Variants in COBL observed in about 807,000 individuals in gnomAD.
COBL encodes protein cordon-bleu.
A neutral mutation model predicts 98.8 loss-of-function variants in COBL; 51 were observed. The ratio of observed to expected loss-of-function variants is 0.52; its 90% CI spans 0.41 to 0.65. COBL has a LOEUF of 0.65. Ranked by LOEUF, COBL falls within the 30% of genes least tolerant of loss-of-function variation. The probability of loss-of-function intolerance (pLI) is 0.00; values close to 1 mark genes in which losing one functional copy is unlikely to be tolerated. For missense variants in COBL, 1,617 were observed against 1,617.5 expected, an observed-to-expected ratio of 1.00 and a Z score of 0.01; for synonymous variants, 634 against 651.7, an observed-to-expected ratio of 0.97 and a Z score of 0.41.
intron 5 of COBL, among the ~76,000 whole-genome samples, chr7:51,159,122 C>A (rs1309283197): frequency 6.6e-6 from 1 of 152,154 alleles, no homozygotes; most frequent in Non-Finnish European, 1.5e-5. Flanking sequence ...AGGCTCTCTG[C>A]AGCCCCCGGC....
chr7:51,190,834 C>T lies in COBL; in HGVS notation c.685+16G>A, dbSNP rs369759090. ...TGTGATTATGGGCAGGTGCGTGAGA[C>T]GCAGCGGGGCCTCACCTCTTCTGTT... On this transcript the variant is annotated intron_variant, in intron 4 of 12. Coordinates refer to ENST00000265136, the MANE Select transcript of COBL (RefSeq NM_015198.5). The T allele has an allele frequency of 3.0e-5, 49 of 1,607,874 alleles. No homozygotes were observed. Among genetic ancestry groups the T allele is most frequent in the Middle Eastern group, 1.6e-4 (1 of 6,068 alleles).
At chr7:51,064,116 C>A (rs1791658901) in intron 7 of COBL, among the ~76,000 whole-genome samples, 1 of 152,200 alleles carries the variant, frequency 6.6e-6, no homozygotes, top group East Asian at 1.9e-4. Context: ...ACACAGTAAT[C>A]CTGTTCTCCC....
At position 51,016,482 on chromosome 7, in the gene COBL, G is replaced by GAT. The variant is rs1175153781; in HGVS notation, c.*1067_*1068dup. ...TTTCAATATAACAAAATGTTTTAGA[G>GAT]ATATATATGAAAAACTACTGCTGTA... On this transcript the variant is annotated 3_prime_UTR_variant, in exon 13 of 13. Coordinates refer to ENST00000265136, the MANE Select transcript of COBL (RefSeq NM_015198.5). 6.5e-6 allele frequency: 1 copy of GAT among 154,062 alleles called. No homozygotes were observed. Among genetic ancestry groups the GAT allele is most frequent in the Non-Finnish European group, 1.4e-5 (1 of 69,436 alleles). The allele number at this position is 154,062 out of a possible 1,614,324, so 9.5% of individuals were successfully genotyped here. A position where few individuals can be genotyped will look rare whatever the true frequency, so the allele number is the denominator to read the frequency against.
In COBL at chr7:51,060,158, ACCAGC is replaced by A. The variant is rs545250648; in HGVS notation, c.1097-16471_1097-16467del. On this transcript the variant is annotated intron_variant, in intron 7 of 12. Coordinates refer to ENST00000265136, the MANE Select transcript of COBL (RefSeq NM_015198.5). ...TCCACAGGTCTCTGAGCACATGAAC[ACCAGC>A]CCAGATCTCACAATGAAAGGTCTTA... Among the ~76,000 whole-genome samples, 568 of 152,250 alleles carry A rather than the reference ACCAGC, an allele frequency of 3.7e-3. 1 individual carries two copies. The highest frequency in any genetic ancestry group is 0.013 in the African/African-American group (548 of 41,554).
At position 51,107,084 on chromosome 7, in the gene COBL, GTTTGTTTGT is replaced by G. The variant is rs1356069558; in HGVS notation, c.958-21789_958-21781del. 2.0e-3 allele frequency among the ~76,000 whole-genome samples: 218 copies of G among 109,306 alleles called. 3 individuals carry two copies. The highest frequency in any genetic ancestry group is 6.9e-3 in the African/African-American group (203 of 29,344). The allele number at this position is 109,306 out of a possible 152,430, so 71.7% of individuals were successfully genotyped here. ...ACTTAACACTTTTTTTGTGATCCTA[GTTTGTTTGT>G]TTTTTTTTTTTTTTTTTTTGAGACA... On this transcript the variant is annotated intron_variant, in intron 6 of 12. Transcript: ENST00000265136.
intron 1 of COBL, among the ~76,000 whole-genome samples, chr7:51,220,854 G>A (rs922722949): frequency 1.3e-5 from 2 of 152,124 alleles, no homozygotes; most frequent in African/African-American, 4.8e-5. Context: ...GTTTCCGCCA[G>A]ATTAGCCAGG....
At chr7:51,104,013 A>T (rs1796038596) in intron 6 of COBL, among the ~76,000 whole-genome samples, 1 of 152,254 alleles carries the variant, frequency 6.6e-6, no homozygotes, top group African/African-American at 2.4e-5. Flanking sequence ...CAATAAGCCC[A>T]AAGTTTCCTG....
chr7:51,216,463 A>G (rs1206362291), intron 2 of COBL, among the ~76,000 whole-genome samples: 1 of 152,154 alleles, frequency 6.6e-6, no homozygotes, highest in East Asian at 1.9e-4. Flanking sequence ...GAGCCACTGC[A>G]CCTGACCAAA....
Position 51,026,538 on chromosome 7 carries a change from C to A in COBL, c.3504+8G>T. The A allele has an allele frequency of 1.9e-6, 3 of 1,613,748 alleles. No individual in the cohort carries two copies. The highest frequency in any genetic ancestry group is 2.5e-6 in the Non-Finnish European group (3 of 1,179,906). On this transcript the variant is annotated splice_region_variant and intron_variant, in intron 11 of 12. Coordinates refer to ENST00000265136, the MANE Select transcript of COBL (RefSeq NM_015198.5). Reference sequence around the variant, plus strand: ...TCCTGGCGCCATGGAAGGCCCTTCACCTCTTACCTTCCTCAGGCTGCAGGT... The same window carrying A: ...TCCTGGCGCCATGGAAGGCCCTTCAACTCTTACCTTCCTCAGGCTGCAGGT...
chr7:51,042,646 G>A (rs1206392430), intron 8 of COBL, among the ~76,000 whole-genome samples: 1 of 152,196 alleles, frequency 6.6e-6, no homozygotes, highest in Admixed American at 6.5e-5. Flanking sequence ...ACGGGCATGA[G>A]CCACCATGCC....
In COBL at chr7:51,077,428, G is replaced by A. The variant is rs182513980; in HGVS notation, c.1096+7738C>T. On this transcript the variant is annotated intron_variant, in intron 7 of 12. Coordinates refer to ENST00000265136, the MANE Select transcript of COBL (RefSeq NM_015198.5). ...AGACTCTGCAAGTTGTCCTGACCAT[G>A]ACAGCCAGGAAGACATGGACAGCCT... Among the ~76,000 whole-genome samples, 455 of 152,284 alleles carry A rather than the reference G, an allele frequency of 3.0e-3. 3 individuals are homozygous for A. The highest frequency in any genetic ancestry group is 0.011 in the African/African-American group (440 of 41,566).
At chr7:51,315,940 G>C (rs1803526325) in intron 1 of COBL, among the ~76,000 whole-genome samples, 1 of 151,952 alleles carries the variant, frequency 6.6e-6, no homozygotes, top group South Asian at 2.1e-4. Flanking sequence ...GGATGTCTGC[G>C]CCTCAGGCCT....
chr7:51,164,026 A>T (rs896148910), intron 5 of COBL, among the ~76,000 whole-genome samples: 11 of 152,234 alleles, frequency 7.2e-5, no homozygotes, highest in Non-Finnish European at 4.4e-5. Context: ...GCTTTTGCCA[A>T]TCCCATAGGT....
At chr7:51,249,806 C>T (rs1453250092) in intron 1 of COBL, among the ~76,000 whole-genome samples, 1 of 152,130 alleles carries the variant, frequency 6.6e-6, no homozygotes, top group Non-Finnish European at 1.5e-5. Flanking sequence ...AAAACTGAAC[C>T]AGGAACTGGC....
chr7:51,294,643 CAAAAAA>C (rs3047621), intron 1 of COBL, among the ~76,000 whole-genome samples: 1 of 80,592 alleles, frequency 1.2e-5, no homozygotes, highest in Non-Finnish European at 2.3e-5. Context: ...AACTCCATCT[CAAAAAA>C]AAAAAAAAAA....
At chr7:51,264,824 G>A (rs1798055731) in intron 1 of COBL, among the ~76,000 whole-genome samples, 1 of 152,122 alleles carries the variant, frequency 6.6e-6, no homozygotes, top group Non-Finnish European at 1.5e-5. Flanking sequence ...ATGTTGGAGT[G>A]TACACCAAAG....
chr7:51,195,359 TG>T, intron 2 of COBL, among the ~76,000 whole-genome samples: 1 of 152,334 alleles, frequency 6.6e-6, no homozygotes, highest in African/African-American at 2.4e-5. Context: ...TTCTCCATTC[TG>T]TTCCATTGCC....
At chr7:51,208,745 T>C (rs1792083233) in intron 2 of COBL, among the ~76,000 whole-genome samples, 1 of 152,192 alleles carries the variant, frequency 6.6e-6, no homozygotes, top group Non-Finnish European at 1.5e-5. Flanking sequence ...TGGGATCCTA[T>C]TGATCTGTGA....
intron 1 of COBL, among the ~76,000 whole-genome samples, chr7:51,294,837 A>C (rs1801265365): frequency 1.3e-5 from 2 of 152,042 alleles, no homozygotes; most frequent in Admixed American, 6.6e-5. Context: ...ATAGAATTTA[A>C]AGTTTTACTG....
Sources: gnomAD v4.1 joint callset for allele counts (sites outside exome capture counted in the v4.1 genomes callset) on GRCh38, gnomAD v4.1.1 for gene constraint, MANE v1.5 for transcripts, NCBI Gene and HGNC (gene_info 2026-07-23, HGNC 2026-07-21) for gene names.